ZFHX3: variants seen among roughly 807,000 people sequenced by gnomAD.
The protein encoded by ZFHX3 is zinc finger homeobox 3, also known as zinc finger homeobox protein 3.
A neutral mutation model predicts 279.1 loss-of-function variants in ZFHX3; 42 were observed. The observed-to-expected ratio is 0.15, with a 90% CI of 0.12 to 0.19. The LOEUF is 0.19. Among genes scored for constraint, ZFHX3 ranks in the 10% least tolerant of loss-of-function variants. The probability of loss-of-function intolerance (pLI) is 1.00; values close to 1 mark genes in which losing one functional copy is unlikely to be tolerated. For synonymous variants in ZFHX3, 2,293 were observed against 1,957.8 expected, an observed-to-expected ratio of 1.17 and a Z score of -4.52; for missense variants, 4,981 against 4,754.0, an observed-to-expected ratio of 1.05 and a Z score of -1.40.
At chr16:73,485,936 T>C (rs1439736497) in intron 2 of ZFHX3, among the ~76,000 whole-genome samples, 1 of 152,206 alleles carries the variant, frequency 6.6e-6, no homozygotes, top group East Asian at 1.9e-4. Context: ...TAATCACTTT[T>C]CCAAGGCTGT....
At chr16:73,653,304 A>G (rs1412410626) in intron 2 of ZFHX3, among the ~76,000 whole-genome samples, 1 of 152,192 alleles carries the variant, frequency 6.6e-6, no homozygotes, top group Non-Finnish European at 1.5e-5. Flanking sequence ...CCAAGTACAC[A>G]CAGAACACTT....
intron 5 of ZFHX3, among the ~76,000 whole-genome samples, chr16:73,175,757 C>T (rs1306515501): frequency 2.0e-5 from 3 of 152,158 alleles, no homozygotes; most frequent in Non-Finnish European, 4.4e-5. Context: ...TACATGTTAA[C>T]TCTTTAGAGA....
intron 3 of ZFHX3, among the ~76,000 whole-genome samples, chr16:73,380,121 G>A (rs2016794238): frequency 6.6e-6 from 1 of 152,132 alleles, no homozygotes; most frequent in Non-Finnish European, 1.5e-5. Context: ...AAGGTTGAAG[G>A]TATAAAACAG....
chr16:73,512,767 G>A (rs924218962), intron 2 of ZFHX3, among the ~76,000 whole-genome samples: 17 of 152,170 alleles, frequency 1.1e-4, no homozygotes, highest in African/African-American at 4.1e-4. Context: ...TTGCATTCAG[G>A]AAAGTGTCAG....
At chr16:73,258,144 C>T (rs890261903) in intron 4 of ZFHX3, among the ~76,000 whole-genome samples, 2 of 152,066 alleles carry the variant, frequency 1.3e-5, no homozygotes, top group Admixed American at 1.3e-4. Flanking sequence ...TAATATATAT[C>T]TTCACATTCA....
At chr16:73,850,147 C>T (rs1567429990) in intron 1 of ZFHX3, among the ~76,000 whole-genome samples, 1 of 152,140 alleles carries the variant, frequency 6.6e-6, no homozygotes, top group Non-Finnish European at 1.5e-5. Flanking sequence ...GAGGATTTAC[C>T]ATCCTGGTGA....
intron 1 of ZFHX3, among the ~76,000 whole-genome samples, chr16:73,740,122 G>A (rs1190913680): frequency 6.6e-6 from 1 of 152,150 alleles, no homozygotes; most frequent in Non-Finnish European, 1.5e-5. Flanking sequence ...TTAATTAAAT[G>A]TCAACCCCCA....
At chr16:72,933,405 A>G (rs1020189823) in intron 3 of ZFHX3, among the ~76,000 whole-genome samples, 2 of 152,186 alleles carry the variant, frequency 1.3e-5, no homozygotes, top group African/African-American at 4.8e-5. Context: ...GAGAGGAGAG[A>G]ACATTTCACC....
At chr16:73,331,260 T>G (rs991860189) in intron 3 of ZFHX3, among the ~76,000 whole-genome samples, 2 of 152,142 alleles carry the variant, frequency 1.3e-5, no homozygotes, top group African/African-American at 4.8e-5. Context: ...CCCCATAATC[T>G]AATCACCTCC....
intron 1 of ZFHX3, among the ~76,000 whole-genome samples, chr16:73,686,457 G>A (rs1423123835): frequency 1.3e-5 from 2 of 152,126 alleles, no homozygotes; most frequent in African/African-American, 4.8e-5. Context: ...TGGGTGTCTT[G>A]CATAACACGT....
intron 1 of ZFHX3, among the ~76,000 whole-genome samples, chr16:73,819,739 C>A (rs555605911): frequency 6.6e-6 from 1 of 152,214 alleles, no homozygotes; most frequent in Non-Finnish European, 1.5e-5. Flanking sequence ...GGGTCATGCT[C>A]CACAGGGATG....
intron 1 of ZFHX3, among the ~76,000 whole-genome samples, chr16:73,775,377 G>A (rs1786852703): frequency 6.6e-6 from 1 of 152,058 alleles, no homozygotes; most frequent in Non-Finnish European, 1.5e-5. Flanking sequence ...TTCACCTTCT[G>A]AATCTTTTAA....
At chr16:73,890,662 C>T (rs944521832) in intron 1 of ZFHX3, among the ~76,000 whole-genome samples, 6 of 152,128 alleles carry the variant, frequency 3.9e-5, no homozygotes, top group African/African-American at 1.4e-4. Flanking sequence ...CAGCCCACTG[C>T]GTAATATCAC....
chr16:72,913,913 C>T (rs978776711), intron 3 of ZFHX3, among the ~76,000 whole-genome samples: 8 of 152,228 alleles, frequency 5.3e-5, no homozygotes, highest in Admixed American at 4.6e-4. Context: ...TGCTGTGTAG[C>T]TATAGATATT....
chr16:72,936,823 G>A (rs537124201), intron 3 of ZFHX3, among the ~76,000 whole-genome samples: 7 of 152,208 alleles, frequency 4.6e-5, no homozygotes, highest in African/African-American at 7.2e-5. Flanking sequence ...TTTCCTCTTC[G>A]TAAAATCCCT....
intron 3 of ZFHX3, among the ~76,000 whole-genome samples, chr16:73,350,401 G>A (rs1699322288): frequency 6.6e-6 from 1 of 152,182 alleles, no homozygotes; most frequent in African/African-American, 2.4e-5. Context: ...ATCTTCAGCT[G>A]TCAAAGCAAA....
At chr16:72,850,679 A>T (rs2037593847) in intron 4 of ZFHX3, among the ~76,000 whole-genome samples, 1 of 152,142 alleles carries the variant, frequency 6.6e-6, no homozygotes. Context: ...CTTTGGGAGG[A>T]AACGTGGAGG....
At chr16:73,532,233 T>C (rs2019818231) in intron 2 of ZFHX3, among the ~76,000 whole-genome samples, 1 of 152,010 alleles carries the variant, frequency 6.6e-6, no homozygotes, top group African/African-American at 2.4e-5. Context: ...AATTGAATCA[T>C]GGGGGTGGTT....
intron 4 of ZFHX3, among the ~76,000 whole-genome samples, chr16:72,885,619 C>A (rs563689534): frequency 5.3e-5 from 8 of 152,300 alleles, no homozygotes; most frequent in Admixed American, 1.3e-4. Flanking sequence ...GTTCACCCCT[C>A]CTGCCTTAGG....
Sources: gnomAD v4.1 joint callset for allele counts (sites outside exome capture counted in the v4.1 genomes callset) on GRCh38, gnomAD v4.1.1 for gene constraint, MANE v1.5 for transcripts, NCBI Gene and HGNC (gene_info 2026-07-23, HGNC 2026-07-21) for gene names.